The following SNRPN variants were observed in gnomAD, a reference collection of about 807,000 sequenced individuals.
SNRPN encodes the protein small nuclear ribonucleoprotein polypeptide N.
A neutral mutation model predicts 25.2 loss-of-function variants in SNRPN; 7 were observed. That is an observed-to-expected ratio of 0.28 (90% CI 0.16 to 0.52). The LOEUF (loss-of-function observed/expected upper bound fraction) is 0.52. Ranked by LOEUF, SNRPN falls within the 20% of genes least tolerant of loss-of-function variation. SNRPN has a pLI of 0.96. For synonymous variants in SNRPN, 124 were observed against 110.6 expected, an observed-to-expected ratio of 1.12 and a Z score of -0.76; for missense variants, 196 against 322.5, an observed-to-expected ratio of 0.61 and a Z score of 3.00.
intron 3 of SNRPN, among the ~76,000 whole-genome samples, chr15:24,920,286 G>GA (rs2059952202): frequency 1.3e-5 from 2 of 151,986 alleles, no homozygotes; most frequent in Non-Finnish European, 2.9e-5. Context: ...TTTTAATTAC[G>GA]ATTTAACTGC....
intron 3 of SNRPN, among the ~76,000 whole-genome samples, chr15:24,935,009 C>T (rs1019534386): frequency 2.0e-5 from 3 of 152,160 alleles, no homozygotes; most frequent in Non-Finnish European, 4.4e-5. Flanking sequence ...CAGTGGCTCA[C>T]ACCTGTAATC....
chr15:24,868,119 G>T (rs1555384944), intron 1 of SNRPN, among the ~76,000 whole-genome samples: 1 of 132,512 alleles, frequency 7.5e-6, no homozygotes, highest in Admixed American at 8.1e-5. Context: ...GGGTGTGTGT[G>T]TGTATATATA....
intron 1 of SNRPN, among the ~76,000 whole-genome samples, chr15:24,859,317 A>C (rs1039434266): frequency 5.9e-5 from 9 of 152,182 alleles, no homozygotes; most frequent in Non-Finnish European, 8.8e-5. Flanking sequence ...TCCAAAAAAA[A>C]AAGTAGACCA....
intron 1 of SNRPN, among the ~76,000 whole-genome samples, chr15:24,827,383 C>T (rs950523696): frequency 2.0e-5 from 3 of 151,444 alleles, no homozygotes; most frequent in Admixed American, 1.3e-4. Context: ...GGTGCGGTGG[C>T]GGGCGCCTGT....
In SNRPN at chr15:24,879,238, C is replaced by T. The variant is rs2056343463; in HGVS notation, c.-578-7278C>T. On this transcript the variant is annotated intron_variant, in intron 1 of 11. Transcript: ENST00000400097. ...TTGCCTGAGCTCGGGGGTTCGAGAC[C>T]AGCCTGGGCAACACGGTGAAACCTC... Among the ~76,000 whole-genome samples the T allele has an allele frequency of 2.0e-5, 3 of 152,058 alleles. No homozygotes were observed. The South Asian group carries it at 6.2e-4, about 32-fold the overall frequency.
intron 3 of SNRPN, among the ~76,000 whole-genome samples, chr15:24,935,984 G>A (rs752255324): frequency 3.3e-5 from 5 of 151,888 alleles, no homozygotes; most frequent in African/African-American, 9.7e-5. Flanking sequence ...GCATGGTAGC[G>A]CATGCCTGAA....
intron 3 of SNRPN, among the ~76,000 whole-genome samples, chr15:24,923,989 C>T (rs1351817935): frequency 5.0e-5 from 6 of 119,242 alleles, no homozygotes; most frequent in African/African-American, 1.6e-4. Context: ...GGATGCCTGG[C>T]TTTTTGTAGT....
intron 2 of SNRPN, among the ~76,000 whole-genome samples, chr15:24,904,899 C>T (rs536991672): frequency 1.7e-4 from 24 of 138,060 alleles, no homozygotes; most frequent in East Asian, 2.2e-4. Context: ...GCCGAGATCG[C>T]GCCACTGCAC....
chr15:24,952,908 AG>A (rs2153225937), upstream of SNRPN, among the ~76,000 whole-genome samples: 2 of 152,202 alleles, frequency 1.3e-5, no homozygotes, highest in South Asian at 4.1e-4. Context: ...CAATGGAAAA[AG>A]GATATTAGGA....
intron 1 of SNRPN, among the ~76,000 whole-genome samples, chr15:24,960,619 G>T (rs1039650083): frequency 1.3e-5 from 2 of 152,054 alleles, no homozygotes; most frequent in Admixed American, 1.3e-4. Context: ...ATTTTGATTT[G>T]CATTTTTTAG....
intron 3 of SNRPN, 177 bp downstream of exon 3, chr15:24,968,259 T>A: frequency 2.0e-6 from 1 of 511,590 alleles, no homozygotes; most frequent in South Asian, 2.2e-5. Context: ...CCTGACACTT[T>A]CGTCATGTTT....
chr15:24,930,430 T>C (rs1324168271), intron 3 of SNRPN, among the ~76,000 whole-genome samples: 1 of 151,680 alleles, frequency 6.6e-6, no homozygotes, highest in African/African-American at 2.4e-5. Context: ...CCTTCAGAAA[T>C]CTGTCTAGGT....
chr15:24,945,906 A>G (rs1250230921), intron 3 of SNRPN, among the ~76,000 whole-genome samples: 1 of 152,106 alleles, frequency 6.6e-6, no homozygotes, highest in African/African-American at 2.4e-5. Context: ...TGGTGCATGT[A>G]GGCAAAAGGC....
In SNRPN at chr15:24,829,900, A is replaced by G. The variant is rs58890023; in HGVS notation, c.-584A>G. The G allele has an allele frequency of 2.1e-3, 327 of 152,282 alleles. 2 individuals carry two copies. The East Asian group carries it at 0.023, about 11-fold the overall frequency. 9.4% of individuals were successfully genotyped at this position (152,282 alleles called of 1,614,324 possible). On this transcript the variant is annotated 5_prime_UTR_variant, in exon 2 of 13. Transcript: ENST00000400100. ...GAGAGCATCCTAACAGCAAACTGCAAATGAGGTGGGTTTGCAGCTGCACAG... is the reference window on the plus strand; with the variant it reads ...GAGAGCATCCTAACAGCAAACTGCAGATGAGGTGGGTTTGCAGCTGCACAG...
intron 2 of SNRPN, among the ~76,000 whole-genome samples, chr15:24,918,801 T>C (rs1177377355): frequency 1.8e-5 from 2 of 113,554 alleles, no homozygotes; most frequent in African/African-American, 6.6e-5. Flanking sequence ...TGCATATATA[T>C]ATATAACAAT....
upstream of SNRPN, among the ~76,000 whole-genome samples, chr15:24,852,956 A>G (rs2053015610): frequency 1.3e-5 from 2 of 152,132 alleles, no homozygotes; most frequent in Admixed American, 1.3e-4. Flanking sequence ...AGAAAAGAAA[A>G]AATAACAGAG....
At chr15:24,955,790 G>C (rs1451822162) in intron 1 of SNRPN, among the ~76,000 whole-genome samples, 1 of 151,636 alleles carries the variant, frequency 6.6e-6, no homozygotes, top group Non-Finnish European at 1.5e-5. Flanking sequence ...ATTGGCAGCG[G>C]GTAGGCATGG....
intron 2 of SNRPN, among the ~76,000 whole-genome samples, 182 bp from the exon 3 acceptor site, chr15:24,967,750 G>A (rs1300073450): frequency 6.7e-6 from 1 of 150,180 alleles, no homozygotes; most frequent in Non-Finnish European, 1.5e-5. Context: ...AGTGTTTGTG[G>A]TGAGCAGAAA....
chr15:24,893,888 A>C (rs2057870351), intron 2 of SNRPN, among the ~76,000 whole-genome samples: 1 of 152,180 alleles, frequency 6.6e-6, no homozygotes, highest in African/African-American at 2.4e-5. Flanking sequence ...GAAAGGTAAA[A>C]AATAGGAAAA....
Sources: gnomAD v4.1 joint callset for allele counts (sites outside exome capture counted in the v4.1 genomes callset) on GRCh38, gnomAD v4.1.1 for gene constraint, MANE v1.5 for transcripts, NCBI Gene and HGNC (gene_info 2026-07-23, HGNC 2026-07-21) for gene names.